The following VPS8 variants were observed in gnomAD, a reference collection of about 807,000 sequenced individuals.
The protein encoded by VPS8 is VPS8 subunit of CORVET complex, also known as vacuolar protein sorting-associated protein 8 homolog.
Under a neutral mutation model 216.4 loss-of-function variants are expected in VPS8, and 129 were observed. The ratio of observed to expected loss-of-function variants is 0.60; its 90% confidence interval spans 0.52 to 0.69. VPS8 has a LOEUF of 0.69. Among genes scored for constraint, VPS8 ranks in the 30% least tolerant of loss-of-function variants. The pLI is 0.00. For missense variants in VPS8, 1,531 were observed against 1,683.5 expected, an observed-to-expected ratio of 0.91 and a Z score of 1.59; for synonymous variants, 571 against 565.4, an observed-to-expected ratio of 1.01 and a Z score of -0.14.
intron 40 of VPS8, among the ~76,000 whole-genome samples, chr3:184,979,381 C>G (rs1249935729): frequency 1.3e-5 from 2 of 152,094 alleles, no homozygotes; most frequent in Non-Finnish European, 2.9e-5. Flanking sequence ...GATAATCTGT[C>G]TGATACTGTT....
Position 184,834,563 on chromosome 3 carries a change from G to A in VPS8, c.354-86G>A. 6.1e-6 allele frequency: 6 copies of A among 991,412 alleles called. No homozygotes were observed. In the South Asian group the frequency reaches 1.0e-4, roughly 17 times the overall value. The allele number at this position is 991,412 out of a possible 1,614,324, so 61.4% of individuals were successfully genotyped here. On this transcript the variant is annotated intron_variant, in intron 4 of 47. Transcript: ENST00000625842. ...TACAATGTTGTCTTCTGCTTTTTGTGCGTGTGTGTTTTCTTTCAAAGCTTT... is the reference window on the plus strand; with the variant it reads ...TACAATGTTGTCTTCTGCTTTTTGTACGTGTGTGTTTTCTTTCAAAGCTTT...
chr3:184,855,072 A>G (rs1263517201), intron 13 of VPS8, among the ~76,000 whole-genome samples: 1 of 152,164 alleles, frequency 6.6e-6, no homozygotes, highest in African/African-American at 2.4e-5. Flanking sequence ...TTAGATGGCC[A>G]TTAACATTTG....
At chr3:185,012,317 TTATA>T (rs1248230955) in intron 45 of VPS8, among the ~76,000 whole-genome samples, 2 of 147,788 alleles carry the variant, frequency 1.4e-5, no homozygotes, top group African/African-American at 2.4e-5. Flanking sequence ...TATTTATAAT[TTATA>T]TATGGATATA....
At position 185,046,756 on chromosome 3, in the gene VPS8, T is replaced by G. The variant is rs547669252; in HGVS notation, c.4057-1723T>G. On this transcript the variant is annotated intron_variant, in intron 46 of 47. Transcript: ENST00000625842. Reference sequence around the variant, plus strand: ...GTTTTACAGATAAAGAAACTGAGACTGAGAGAAGCTAAATTCCTTGCCCAG... The same window carrying G: ...GTTTTACAGATAAAGAAACTGAGACGGAGAGAAGCTAAATTCCTTGCCCAG... Among the ~76,000 whole-genome samples the G allele has an allele frequency of 1.4e-3, 207 of 152,346 alleles. 1 individual carries two copies. The highest frequency in any genetic ancestry group is 3.4e-3 in the African/African-American group (142 of 41,578).
chr3:184,931,706 T>C (rs1740712487), intron 34 of VPS8, among the ~76,000 whole-genome samples: 1 of 152,196 alleles, frequency 6.6e-6, no homozygotes, highest in Non-Finnish European at 1.5e-5. Context: ...AGTGTTGTTA[T>C]ATTTCTGCTA....
chr3:184,990,416 C>T (rs1751737299), intron 42 of VPS8, among the ~76,000 whole-genome samples: 1 of 152,126 alleles, frequency 6.6e-6, no homozygotes, highest in Non-Finnish European at 1.5e-5. Context: ...CCTACAACAC[C>T]CAGTGCAGTG....
At chr3:184,905,641 G>T (rs1735367105) in intron 25 of VPS8, among the ~76,000 whole-genome samples, 1 of 136,332 alleles carries the variant, frequency 7.3e-6, no homozygotes, top group Admixed American at 7.5e-5. Flanking sequence ...TTTTTTGACA[G>T]AACAGGAAAA....
chr3:185,026,155 A>G (rs1757313168), intron 46 of VPS8, among the ~76,000 whole-genome samples: 1 of 152,180 alleles, frequency 6.6e-6, no homozygotes, highest in African/African-American at 2.4e-5. Context: ...TGTGGATTCA[A>G]CCAACCACAG....
rs113568447 is a variant in VPS8 at position 184,914,659 on chromosome 3, A to G, written c.2190-322A>G. Among the ~76,000 whole-genome samples the G allele has an allele frequency of 2.6e-3, 389 of 152,368 alleles. 1 individual carries two copies. The highest frequency in any genetic ancestry group is 0.01 in the Middle Eastern group (3 of 294). On this transcript the variant is annotated intron_variant, in intron 26 of 47. Coordinates refer to ENST00000625842, the MANE Select transcript of VPS8 (RefSeq NM_001009921.3). Reference sequence around the variant, plus strand: ...TGGTGCCATTAGGCACCATCTTTCTAGACGCTGGGTATGAGGCCTTTAGAA... The same window carrying G: ...TGGTGCCATTAGGCACCATCTTTCTGGACGCTGGGTATGAGGCCTTTAGAA...
intron 36 of VPS8, among the ~76,000 whole-genome samples, chr3:184,953,818 T>C (rs2109436795): frequency 6.6e-6 from 1 of 152,310 alleles, no homozygotes; most frequent in Admixed American, 6.5e-5. Flanking sequence ...TTTTTCCTTA[T>C]TTTCATGCTT....
chr3:184,853,588 G>A (rs1407825471), intron 11 of VPS8, among the ~76,000 whole-genome samples: 1 of 152,170 alleles, frequency 6.6e-6, no homozygotes, highest in Non-Finnish European at 1.5e-5. Context: ...GAGGAGTGAA[G>A]GGAGAGCCAG....
At position 184,999,311 on chromosome 3, in the gene VPS8, G is replaced by C. The variant is rs143661227; in HGVS notation, c.3837-385G>C. Among the ~76,000 whole-genome samples, 17 of 152,142 alleles carry C rather than the reference G, an allele frequency of 1.1e-4. No homozygotes were observed. In the East Asian group the frequency reaches 2.7e-3, roughly 24 times the overall value. On this transcript the variant is annotated intron_variant, in intron 44 of 47. Coordinates refer to ENST00000625842, the MANE Select transcript of VPS8 (RefSeq NM_001009921.3). ...TAACCTCAGCTGATCTGCCCACCTC[G>C]GCCTCCCAAAGTGCTGGGATTACAG...
intron 46 of VPS8, among the ~76,000 whole-genome samples, chr3:185,042,792 A>T (rs938242977): frequency 2.4e-4 from 36 of 152,170 alleles, no homozygotes; most frequent in Admixed American, 5.9e-4. Context: ...ATCCATTTTT[A>T]AAAAAATATA....
At chr3:184,995,144 A>C (rs1440292084) in intron 43 of VPS8, among the ~76,000 whole-genome samples, 1 of 152,202 alleles carries the variant, frequency 6.6e-6, no homozygotes. Context: ...TCTTCCCTTA[A>C]CTCAAAATTG....
chr3:184,966,526 T>G (rs1747436479), intron 38 of VPS8, 145 bp from the exon 39 acceptor site: 1 of 456,820 alleles, frequency 2.2e-6, no homozygotes, highest in African/African-American at 2.0e-5. Context: ...AACAGAAGAG[T>G]TTACTTCTGA....
intron 25 of VPS8, among the ~76,000 whole-genome samples, chr3:184,904,037 T>G (rs1250691584): frequency 6.6e-6 from 1 of 152,224 alleles, no homozygotes; most frequent in Admixed American, 6.5e-5. Context: ...TTAATTTTAT[T>G]TTCAGGATTT....
chr3:185,016,588 A>G (rs1447353678), intron 45 of VPS8, among the ~76,000 whole-genome samples: 7 of 152,252 alleles, frequency 4.6e-5, no homozygotes, highest in African/African-American at 1.7e-4. Context: ...AGAGGATAGT[A>G]AAGAAATAGT....
At chr3:184,815,713 A>C (rs1716163038) in intron 1 of VPS8, 1 of 151,762 alleles carries the variant, frequency 6.6e-6, no homozygotes, top group South Asian at 2.1e-4. Context: ...GGAATGGAGG[A>C]GAAGCAGTTG....
rs756407039 is a variant in VPS8, at chr3:185,048,480, G to A, written c.4058G>A (p.Gly1353Glu). ...ATCGTATCGGTTTTTATTTTTCAGGGAACCTCAGAACCTGTTCTGGATCCA... is the reference window on the plus strand; with the variant it reads ...ATCGTATCGGTTTTTATTTTTCAGGAAACCTCAGAACCTGTTCTGGATCCA... ...QSKGDPTAKKGTSEPVLDPQQ... is the reference protein window; with the variant it reads ...QSKGDPTAKKETSEPVLDPQQ... Residue 1353 changes from glycine (G) to glutamate (E), a missense_variant and splice_region_variant, in exon 47 of 48, where the codon GGA (glycine) becomes GAA (glutamate). Transcript: ENST00000625842. The A allele has an allele frequency of 3.8e-5, 61 of 1,613,826 alleles. No individual in the cohort carries two copies. The highest frequency in any genetic ancestry group is 4.6e-5 in the Non-Finnish European group (54 of 1,179,884).
Sources: gnomAD v4.1 joint callset for allele counts (sites outside exome capture counted in the v4.1 genomes callset) on GRCh38, gnomAD v4.1.1 for gene constraint, MANE v1.5 for transcripts, NCBI Gene and HGNC (gene_info 2026-07-23, HGNC 2026-07-21) for gene names.